Variants in PTK2 observed in about 807,000 individuals in gnomAD.
PTK2 encodes protein tyrosine kinase 2.
A neutral mutation model predicts 150.1 loss-of-function variants in PTK2; 45 were observed. That is an observed-to-expected ratio of 0.30 (90% CI 0.24 to 0.38). The LOEUF is 0.38. Among genes scored for constraint, PTK2 ranks in the 10% least tolerant of loss-of-function variants. The probability of loss-of-function intolerance (pLI) is 1.00; values close to 1 mark genes in which losing one functional copy is unlikely to be tolerated. For missense variants in PTK2, 919 were observed against 1,307.3 expected, an observed-to-expected ratio of 0.70 and a Z score of 4.58; for synonymous variants, 432 against 449.2, an observed-to-expected ratio of 0.96 and a Z score of 0.48.
intron 11 of PTK2, 22 bp from the exon 12 acceptor site, chr8:140,800,598 A>G: frequency 6.4e-7 from 1 of 1,574,086 alleles, no homozygotes; most frequent in East Asian, 2.2e-5. Context: ...AAGATCAAGA[A>G]AACAGACTTC....
At chr8:140,829,999 G>A (rs1379896923) in intron 8 of PTK2, among the ~76,000 whole-genome samples, 2 of 152,136 alleles carry the variant, frequency 1.3e-5, no homozygotes, top group African/African-American at 4.8e-5. Flanking sequence ...CTGAGGCTCT[G>A]CCAAAGCTAC....
intron 13 of PTK2, 40 bp downstream of exon 13, chr8:140,793,314 C>A: frequency 1.3e-6 from 2 of 1,583,512 alleles, no homozygotes; most frequent in East Asian, 2.3e-5. Context: ...TTAAACTTTC[C>A]AACAAAACAA....
chr8:140,741,342 C>T (rs1479875356), intron 20 of PTK2, among the ~76,000 whole-genome samples: 1 of 151,646 alleles, frequency 6.6e-6, no homozygotes, highest in Non-Finnish European at 1.5e-5. Context: ...GTAGTCCCAG[C>T]TACTCAGGAG....
chr8:140,678,918 T>C (rs886442038), intron 27 of PTK2, among the ~76,000 whole-genome samples: 2 of 136,394 alleles, frequency 1.5e-5, no homozygotes, highest in South Asian at 2.2e-4. Flanking sequence ...ATCCATGCCC[T>C]TTTTTTTTTA....
At chr8:140,729,288 C>G (rs559664430) in intron 22 of PTK2, among the ~76,000 whole-genome samples, 3 of 152,176 alleles carry the variant, frequency 2.0e-5, no homozygotes, top group Non-Finnish European at 4.4e-5. Context: ...CAACACCCCC[C>G]AGCTGGAGTG....
At chr8:140,706,967 T>C (rs1027062020) in intron 23 of PTK2, among the ~76,000 whole-genome samples, 6 of 152,226 alleles carry the variant, frequency 3.9e-5, no homozygotes, top group Admixed American at 6.5e-5. Context: ...CGTCAACTGA[T>C]ATAACTGGAT....
intron 29 of PTK2, among the ~76,000 whole-genome samples, chr8:140,673,183 T>G (rs1018798252): frequency 1.3e-5 from 2 of 151,956 alleles, no homozygotes; most frequent in Admixed American, 1.3e-4. Context: ...TCTTGACTCA[T>G]TGCAACCTCC....
intron 14 of PTK2, among the ~76,000 whole-genome samples, chr8:140,773,950 T>G (rs1360282867): frequency 4.6e-5 from 7 of 152,136 alleles, no homozygotes; most frequent in Admixed American, 4.6e-4. Context: ...TCTCTGGGAC[T>G]GATAAATTTT....
intron 2 of PTK2, chr8:140,921,068 T>C: frequency 7.6e-7 from 1 of 1,316,904 alleles, no homozygotes; most frequent in South Asian, 2.3e-5. Flanking sequence ...GTGTTCCTTC[T>C]GTAATATTTT....
At chr8:140,867,115 C>A (rs2100139783) in intron 4 of PTK2, among the ~76,000 whole-genome samples, 1 of 152,080 alleles carries the variant, frequency 6.6e-6, no homozygotes, top group South Asian at 2.1e-4. Flanking sequence ...CAGACCCTTA[C>A]CAAGTCATGA....
chr8:140,786,251 C>A (rs569619794), intron 14 of PTK2, among the ~76,000 whole-genome samples: 70 of 152,284 alleles, frequency 4.6e-4, no homozygotes, highest in African/African-American at 1.6e-3. Flanking sequence ...TTGACTGCAG[C>A]CTCACCCCAC....
At chr8:140,698,924 A>ATTTTTTTT (rs10713722) in intron 26 of PTK2, among the ~76,000 whole-genome samples, 101 of 96,026 alleles carry the variant, frequency 1.1e-3, no homozygotes, top group East Asian at 1.5e-3. Flanking sequence ...TAATTTTTGT[A>ATTTTTTTT]TTTTTTTTTT....
intron 23 of PTK2, among the ~76,000 whole-genome samples, chr8:140,710,909 G>C (rs947962617): frequency 1.3e-5 from 2 of 152,148 alleles, no homozygotes; most frequent in African/African-American, 4.8e-5. Context: ...GGACAGGCCT[G>C]AACAGCAGGA....
rs1446190870 is a variant in PTK2 at position 140,796,771 on chromosome 8, T to C, written c.1094-3387A>G. Among the ~76,000 whole-genome samples the C allele has an allele frequency of 3.3e-5, 5 of 152,204 alleles. No homozygotes were observed. In the East Asian group the frequency reaches 9.6e-4, roughly 29 times the overall value. ...CTAATTCTGGGAGTTAATGTTTTTG[T>C]TCAAATGTACTTCCATTCTTCTTAG... On this transcript the variant is annotated intron_variant, in intron 12 of 31. Coordinates refer to ENST00000522684, the Ensembl canonical transcript of PTK2.
chr8:140,938,633 C>T (rs2100174563), intron 1 of PTK2, among the ~76,000 whole-genome samples: 1 of 152,218 alleles, frequency 6.6e-6, no homozygotes, highest in Non-Finnish European at 1.5e-5. Flanking sequence ...TTGGGGGCAA[C>T]TCCAGCCTCA....
chr8:140,694,580 C>T (rs551967449), intron 26 of PTK2, among the ~76,000 whole-genome samples: 1 of 152,282 alleles, frequency 6.6e-6, no homozygotes, highest in East Asian at 1.9e-4. Context: ...TTCTGACACA[C>T]AGCTTCAACA....
intron 31 of PTK2, among the ~76,000 whole-genome samples, chr8:140,661,014 T>C (rs1253332460): frequency 6.6e-6 from 1 of 152,162 alleles, no homozygotes; most frequent in Non-Finnish European, 1.5e-5. Flanking sequence ...CTGGAATAAA[T>C]CACGTAGTAG....
At chr8:140,713,647 G>A (rs143843533) in intron 23 of PTK2, among the ~76,000 whole-genome samples, 10 of 152,262 alleles carry the variant, frequency 6.6e-5, no homozygotes, top group African/African-American at 2.4e-4. Context: ...TTATCCTGAG[G>A]CACTCTATTG....
rs61261890 is a variant in PTK2, at chr8:140,902,924, G to GTTTTTTTT, written c.-32-12163_-32-12156dup. Among the ~76,000 whole-genome samples, 19 of 58,958 alleles carry GTTTTTTTT rather than the reference G, an allele frequency of 3.2e-4. 1 individual carries two copies. The highest frequency in any genetic ancestry group is 1.1e-3 in the South Asian group (2 of 1,746). The allele number at this position is 58,958 out of a possible 152,430, so 38.7% of individuals were successfully genotyped here. A position where few individuals can be genotyped will look rare whatever the true frequency, so the allele number is the denominator to read the frequency against. ...TTGCCTGTTCACTCTGATGAGAGTTGTTTTTTTTTTTTTTTTTTTTTTTTT... is the reference window on the plus strand; with the variant it reads ...TTGCCTGTTCACTCTGATGAGAGTTGTTTTTTTTTTTTTTTTTTTTTTTTTTTTTTTTT... On this transcript the variant is annotated intron_variant, in intron 2 of 31. Transcript: ENST00000522684.
Sources: gnomAD v4.1 joint callset for allele counts (sites outside exome capture counted in the v4.1 genomes callset) on GRCh38, gnomAD v4.1.1 for gene constraint, MANE v1.5 for transcripts, NCBI Gene and HGNC (gene_info 2026-07-23, HGNC 2026-07-21) for gene names.